The following MYO1D variants were observed in gnomAD, a reference collection of about 807,000 sequenced individuals.
The protein encoded by MYO1D is unconventional myosin-Id.
Under a neutral mutation model 122.0 loss-of-function variants are expected in MYO1D, and 83 were observed. That is an observed-to-expected ratio of 0.68 (90% CI 0.57 to 0.82). The LOEUF is 0.82. Among genes scored for constraint, MYO1D ranks in the 40% least tolerant of loss-of-function variants. MYO1D has a pLI of 0.00. For missense variants in MYO1D, 1,157 were observed against 1,269.5 expected (o/e 0.91, Z 1.35); for synonymous variants, 464 against 446.9 (o/e 1.04, Z -0.48).
chr17:32,815,988 G>A (rs760301827), intron 1 of MYO1D, among the ~76,000 whole-genome samples: 3 of 152,184 alleles, frequency 2.0e-5, no homozygotes, highest in Non-Finnish European at 4.4e-5. Context: ...TGGTAACCTA[G>A]TAGCAACTAA....
rs1872075675 is a variant in MYO1D, at chr17:32,754,444, A to G, written c.1467+1048T>C. Among the ~76,000 whole-genome samples the G allele has an allele frequency of 2.0e-5, 3 of 152,356 alleles. No individual in the cohort carries two copies. In the South Asian group the frequency reaches 6.2e-4, roughly 32 times the overall value. On this transcript the variant is annotated intron_variant, in intron 11 of 21. Transcript: ENST00000318217. ...GCCAATTTGTAGTAGGGTTACTATC[A>G]ATCCTCAGTAACAGACCAAGGAGAA...
chr17:32,856,804 T>C (rs1216004756), intron 1 of MYO1D, among the ~76,000 whole-genome samples: 1 of 152,246 alleles, frequency 6.6e-6, no homozygotes, highest in Non-Finnish European at 1.5e-5. Flanking sequence ...TTTATGCTCA[T>C]TTCTGATCAT....
intron 21 of MYO1D, among the ~76,000 whole-genome samples, chr17:32,537,120 A>C (rs1267390256): frequency 1.3e-5 from 2 of 152,228 alleles, no homozygotes; most frequent in African/African-American, 2.4e-5. Flanking sequence ...ATGACATCTA[A>C]AGAATTTTAG....
At chr17:32,733,165 C>T (rs1042748082) in intron 14 of MYO1D, among the ~76,000 whole-genome samples, 4 of 152,166 alleles carry the variant, frequency 2.6e-5, no homozygotes, top group Non-Finnish European at 5.9e-5. Flanking sequence ...CTGAGTGCAG[C>T]CTGCGAGGCT....
intron 1 of MYO1D, among the ~76,000 whole-genome samples, chr17:32,831,597 T>C (rs2090771909): frequency 6.6e-6 from 1 of 152,248 alleles, no homozygotes; most frequent in Admixed American, 6.5e-5. Context: ...AAGTAACATA[T>C]GCTCAAATCT....
chr17:32,520,180 C>G (rs554441508), intron 21 of MYO1D, among the ~76,000 whole-genome samples: 1 of 152,278 alleles, frequency 6.6e-6, no homozygotes, highest in African/African-American at 2.4e-5. Context: ...CAGGGAAAGG[C>G]TCATGAGACT....
intron 21 of MYO1D, among the ~76,000 whole-genome samples, chr17:32,558,742 T>G (rs947214126): frequency 2.0e-5 from 3 of 152,230 alleles, no homozygotes; most frequent in Admixed American, 1.3e-4. Flanking sequence ...TTACTTCCTC[T>G]GCTTTGAATA....
At chr17:32,740,093 A>G (rs2089755854) in intron 13 of MYO1D, among the ~76,000 whole-genome samples, 1 of 152,206 alleles carries the variant, frequency 6.6e-6, no homozygotes, top group South Asian at 2.1e-4. Context: ...TAACTTTTTC[A>G]TTCTTATCTT....
chr17:32,850,544 G>C (rs1349761780), intron 1 of MYO1D, among the ~76,000 whole-genome samples: 1 of 152,194 alleles, frequency 6.6e-6, no homozygotes, highest in Non-Finnish European at 1.5e-5. Flanking sequence ...AGTGACTTTT[G>C]TAAGTGCTCT....
At chr17:32,841,251 G>A (rs2090877717) in intron 1 of MYO1D, among the ~76,000 whole-genome samples, 2 of 152,092 alleles carry the variant, frequency 1.3e-5, no homozygotes, top group Non-Finnish European at 2.9e-5. Flanking sequence ...CAGATGACTT[G>A]AGCCCAGGAG....
Position 32,872,842 on chromosome 17 carries a change from G to A in MYO1D, c.95+3936C>T, listed in dbSNP as rs368801806. Among the ~76,000 whole-genome samples the A allele has an allele frequency of 3.4e-4, 51 of 151,608 alleles. 1 individual carries two copies. Among genetic ancestry groups the A allele is most frequent in the Admixed American group, 2.3e-3 (35 of 15,226 alleles). ...CTCCCGAGTAGCTGGGACTACAGGC[G>A]CCCGCCACCGCGCCCGGCTAATTTT... On this transcript the variant is annotated intron_variant, in intron 1 of 21. Coordinates refer to ENST00000318217, the MANE Select transcript of MYO1D (RefSeq NM_015194.3).
At chr17:32,608,913 T>A (rs1312451466) in intron 20 of MYO1D, among the ~76,000 whole-genome samples, 1 of 152,200 alleles carries the variant, frequency 6.6e-6, no homozygotes, top group Admixed American at 6.5e-5. Context: ...CTCAAAAGGT[T>A]ACAGCCTGTG....
chr17:32,618,266 G>A (rs1371413235), intron 20 of MYO1D, among the ~76,000 whole-genome samples: 1 of 152,094 alleles, frequency 6.6e-6, no homozygotes, highest in African/African-American at 2.4e-5. Context: ...CATTATTCAG[G>A]TCAAGGAAAA....
chr17:32,624,626 T>TGTA (rs2087901414), intron 20 of MYO1D, among the ~76,000 whole-genome samples: 1 of 152,188 alleles, frequency 6.6e-6, no homozygotes, highest in Non-Finnish European at 1.5e-5. Flanking sequence ...TTCTTGAGAC[T>TGTA]GTAGTAGTAC....
At chr17:32,501,001 T>C (rs1230249061) in intron 21 of MYO1D, among the ~76,000 whole-genome samples, 3 of 141,752 alleles carry the variant, frequency 2.1e-5, no homozygotes, top group Admixed American at 1.4e-4. Context: ...AGAGTGAGAC[T>C]CCATCTCAAA....
intron 21 of MYO1D, among the ~76,000 whole-genome samples, chr17:32,551,927 TCTC>T (rs2087019061): frequency 6.6e-6 from 1 of 152,158 alleles, no homozygotes; most frequent in Non-Finnish European, 1.5e-5. Flanking sequence ...CATGTTCAAA[TCTC>T]CTCCAGTAAA....
chr17:32,698,046 G>A (rs973954342), intron 16 of MYO1D, among the ~76,000 whole-genome samples: 6 of 152,162 alleles, frequency 3.9e-5, no homozygotes, highest in Non-Finnish European at 5.9e-5. Context: ...TTTACCGTGT[G>A]TGACCTCTGC....
intron 16 of MYO1D, among the ~76,000 whole-genome samples, chr17:32,690,208 A>C (rs2089077219): frequency 7.1e-6 from 1 of 140,802 alleles, no homozygotes; most frequent in Non-Finnish European, 1.5e-5. Context: ...TTTGAGATGG[A>C]GTCTTGCTCT....
chr17:32,748,885 TA>T, intron 12 of MYO1D, 50 bp downstream of exon 12: 1 of 1,503,066 alleles, frequency 6.7e-7, no homozygotes, highest in Non-Finnish European at 9.2e-7. Flanking sequence ...TTGTATTTTC[TA>T]AAGTGAGGCG....
Sources: allele counts gnomAD v4.1 joint callset (sites outside exome capture counted in the v4.1 genomes callset), GRCh38; gene constraint gnomAD v4.1.1; transcripts MANE v1.5; gene names NCBI Gene and HGNC (gene_info 2026-07-23, HGNC 2026-07-21).